The following CMTR1 variants were observed in gnomAD, a reference collection of about 807,000 sequenced individuals.
CMTR1 encodes cap methyltransferase 1.
CMTR1 carries 39 observed loss-of-function variants against 107.0 expected under a neutral mutation model. The ratio of observed to expected loss-of-function variants is 0.36; its 90% CI spans 0.28 to 0.48. The LOEUF (loss-of-function observed/expected upper bound fraction) is 0.48. CMTR1 is among the 20% of genes least tolerant of loss of function. CMTR1 has a pLI of 0.99. For missense variants in CMTR1, 672 were observed against 1,064.9 expected, an observed-to-expected ratio of 0.63 and a Z score of 5.14; for synonymous variants, 366 against 379.5, an observed-to-expected ratio of 0.96 and a Z score of 0.41.
Position 37,462,959 on chromosome 6 carries a change from A to G in CMTR1, c.1456A>G (p.Ile486Val). ...CAACTTGGTGGTCCCCCTGGAGGTGATCAAGGGAGACCATGAATTTACTGA... is the reference window on the plus strand; with the variant it reads ...CAACTTGGTGGTCCCCCTGGAGGTGGTCAAGGGAGACCATGAATTTACTGA... Reference protein sequence around the residue: ...DVNLVVPLEVIKGDHEFTDYM... With the variant: ...DVNLVVPLEVVKGDHEFTDYM... Residue 486 changes from isoleucine to valine, a missense_variant, in exon 13 of 24, where the codon ATC (isoleucine) becomes GTC (valine). Transcript: ENST00000373451. The G allele has an allele frequency of 6.2e-7, 1 of 1,614,162 alleles. No individual in the cohort carries two copies. The highest frequency in any genetic ancestry group is 1.7e-4 in the Middle Eastern group (1 of 6,058).
Position 37,480,909 on chromosome 6 carries a change from G to C in CMTR1, c.*764G>C. On this transcript the variant is annotated 3_prime_UTR_variant, in exon 24 of 24. Coordinates refer to ENST00000373451, the MANE Select transcript of CMTR1 (RefSeq NM_015050.3). ...TTGGTCCAAACATTGGGCAGCGCTA[G>C]ATGGCAGGAAGCAGCCTTGAAGACC... 3 of 1,214,820 alleles carry C rather than the reference G, an allele frequency of 2.5e-6. No individual in the cohort carries two copies. Among genetic ancestry groups the C allele is most frequent in the Non-Finnish European group, 2.1e-6 (2 of 955,932 alleles). 75.3% of individuals were successfully genotyped at this position (1,214,820 alleles called of 1,614,324 possible). A position where few individuals can be genotyped will look rare whatever the true frequency, so the allele number is the denominator to read the frequency against.
intron 8 of CMTR1, among the ~76,000 whole-genome samples, chr6:37,457,987 T>C (rs116054736): frequency 2.0e-5 from 3 of 152,330 alleles, no homozygotes; most frequent in Non-Finnish European, 4.4e-5. Context: ...AGTAGGACTC[T>C]TGAAAGGCAG....
chr6:37,440,761 C>T (rs186587328), intron 2 of CMTR1, among the ~76,000 whole-genome samples: 1 of 152,196 alleles, frequency 6.6e-6, no homozygotes, highest in East Asian at 1.9e-4. Context: ...GTCATTTTTG[C>T]CCAGAGATAT....
chr6:37,460,424 G>A (rs1410035699), intron 10 of CMTR1, among the ~76,000 whole-genome samples: 1 of 152,180 alleles, frequency 6.6e-6, no homozygotes, highest in African/African-American at 2.4e-5. Flanking sequence ...AGATGTGGGA[G>A]TCTGATAGCG....
chr6:37,428,008 C>CAAAGAGAGAGAGAGAG, the CMTR1 span, among the ~76,000 whole-genome samples: 1 of 114,768 alleles, frequency 8.7e-6, no homozygotes, highest in Non-Finnish European at 1.8e-5. Context: ...GCAACAGAGA[C>CAAAGAGAGAGAGAGAG]AGAGAGAGAG....
chr6:37,457,064 A>G (rs905989232), intron 8 of CMTR1, among the ~76,000 whole-genome samples: 2 of 151,938 alleles, frequency 1.3e-5, no homozygotes, highest in East Asian at 3.9e-4. Flanking sequence ...CTAAAAAAAA[A>G]AAAAAATTTG....
intron 14 of CMTR1, among the ~76,000 whole-genome samples, chr6:37,471,623 G>A (rs559060379): frequency 1.3e-3 from 201 of 152,292 alleles, no homozygotes; most frequent in Non-Finnish European, 2.3e-3. Context: ...CCATTGTGGT[G>A]AGAAGGGCAG....
the CMTR1 span, among the ~76,000 whole-genome samples, chr6:37,425,951 A>G: frequency 1.3e-5 from 2 of 152,098 alleles, no homozygotes; most frequent in African/African-American, 2.4e-5. Context: ...GAGGCCCCTT[A>G]GACTCTGTTT....
At chr6:37,450,001 A>C (rs1003010863) in intron 4 of CMTR1, among the ~76,000 whole-genome samples, 6 of 152,216 alleles carry the variant, frequency 3.9e-5, no homozygotes, top group Non-Finnish European at 7.3e-5. Flanking sequence ...ATAATGGAAC[A>C]AATGAAAGAA....
chr6:37,458,859 A>G lies in CMTR1; in HGVS notation c.976+49A>G, dbSNP rs941434880. On this transcript the variant is annotated intron_variant, in intron 9 of 23. Transcript: ENST00000373451. This position sits in a 1 kb window ranked among gnomAD's most constrained non-coding sequence, Gnocchi z 4.7. ...AGGAGGTATGAGGGACAGCCCCTCT[A>G]TGGGGACTTCAGGTCAGAAGCAGTT... is the stretch of plus-strand genomic sequence containing the variant. 7.1e-6 allele frequency: 11 copies of G among 1,558,058 alleles called. No individual in the cohort carries two copies. The highest frequency in any genetic ancestry group is 2.2e-5 in the East Asian group (1 of 44,524).
chr6:37,428,029 A>G, the CMTR1 span, among the ~76,000 whole-genome samples: 1 of 141,224 alleles, frequency 7.1e-6, no homozygotes. Context: ...AGAGAGAGAG[A>G]GAGAGAGAGA....
intron 2 of CMTR1, 115 bp downstream of exon 2, chr6:37,435,877 T>A (rs570731031): frequency 1.9e-6 from 2 of 1,067,510 alleles, no homozygotes; most frequent in African/African-American, 3.3e-5. Context: ...TGAGGAAAAT[T>A]AGGAATACTC....
Position 37,480,703 on chromosome 6 carries a change from C to T in CMTR1, c.*558C>T. 2.0e-6 allele frequency: 2 copies of T among 1,023,850 alleles called. No individual in the cohort carries two copies. The highest frequency in any genetic ancestry group is 4.8e-4 in the Middle Eastern group (1 of 2,066). The allele number at this position is 1,023,850 out of a possible 1,614,324, so 63.4% of individuals were successfully genotyped here. ...AAATTGGAGACCATTTTCTTGTCTC[C>T]TTCCCCCACTCATCCTGGCCTTCCC... On this transcript the variant is annotated 3_prime_UTR_variant, in exon 24 of 24. Transcript: ENST00000373451.
In CMTR1 at chr6:37,453,223, G is replaced by A; in HGVS notation, c.705-17G>A. The A allele has an allele frequency of 1.2e-6, 2 of 1,613,950 alleles. No individual in the cohort carries two copies. The highest frequency in any genetic ancestry group is 1.3e-5 in the African/African-American group (1 of 74,988). On this transcript the variant is annotated splice_polypyrimidine_tract_variant and intron_variant, in intron 7 of 23. Coordinates refer to ENST00000373451, the MANE Select transcript of CMTR1 (RefSeq NM_015050.3). ...AGCCTAGTACATCTAGTACTTTTCTGTCTTGCTTTATTGCAGGGCAGCAAT... is the reference window on the plus strand; with the variant it reads ...AGCCTAGTACATCTAGTACTTTTCTATCTTGCTTTATTGCAGGGCAGCAAT...
In CMTR1 at chr6:37,480,208, G is replaced by A. The variant is rs761410850; in HGVS notation, c.*63G>A. ...CATTCCTGAGATGGGGCCACCTGGG[G>A]CCCACAGTGCTGGCTTCTTCCCCCT... On this transcript the variant is annotated 3_prime_UTR_variant, in exon 24 of 24. Coordinates refer to ENST00000373451, the MANE Select transcript of CMTR1 (RefSeq NM_015050.3). 52 of 1,584,804 alleles carry A rather than the reference G, an allele frequency of 3.3e-5. No homozygotes were observed. Among genetic ancestry groups the A allele is most frequent in the African/African-American group, 9.6e-5 (7 of 72,968 alleles).
At chr6:37,455,240 T>C (rs750895883) in intron 8 of CMTR1, among the ~76,000 whole-genome samples, 16 of 152,326 alleles carry the variant, frequency 1.1e-4, no homozygotes, top group Non-Finnish European at 2.1e-4. Context: ...TGTGCCACCA[T>C]GTCTGGCTAA....
chr6:37,444,818 A>C (rs1771749371), intron 3 of CMTR1, among the ~76,000 whole-genome samples: 1 of 152,238 alleles, frequency 6.6e-6, no homozygotes, highest in African/African-American at 2.4e-5. Context: ...TGAGGTCAGG[A>C]GTTCAAGACC....
At position 37,481,404 on chromosome 6, in the gene CMTR1, C is replaced by G. The variant is rs1761854864; in HGVS notation, c.*1259C>G. The G allele has an allele frequency of 8.4e-7, 1 of 1,185,160 alleles. No individual in the cohort carries two copies. The highest frequency in any genetic ancestry group is 1.1e-6 in the Non-Finnish European group (1 of 940,722). 73.4% of individuals were successfully genotyped at this position (1,185,160 alleles called of 1,614,324 possible). ...TCAGCCAGCATCCAGCTCCCCACCCCCAGGCTGGCAGTAGCACTGCTGAGA... is the reference window on the plus strand; with the variant it reads ...TCAGCCAGCATCCAGCTCCCCACCCGCAGGCTGGCAGTAGCACTGCTGAGA... On this transcript the variant is annotated 3_prime_UTR_variant, in exon 24 of 24. Transcript: ENST00000373451.
At chr6:37,444,368 C>T (rs1339586067) in intron 3 of CMTR1, among the ~76,000 whole-genome samples, 7 of 152,188 alleles carry the variant, frequency 4.6e-5, no homozygotes, top group Non-Finnish European at 1.0e-4. Context: ...TTCTGCTGTT[C>T]TATCTGGACT....
Sources: allele counts gnomAD v4.1 joint callset (sites outside exome capture counted in the v4.1 genomes callset), GRCh38; gene constraint gnomAD v4.1.1; non-coding constraint Gnocchi (gnomAD v3.1); transcripts MANE v1.5; gene names NCBI Gene and HGNC (gene_info 2026-07-23, HGNC 2026-07-21).